SPIRE1: variants seen among roughly 807,000 people sequenced by gnomAD.
The protein encoded by SPIRE1 is protein spire homolog 1.
SPIRE1 carries 40 observed loss-of-function variants against 94.1 expected under a neutral mutation model. That is an observed-to-expected ratio of 0.43 (90% CI 0.33 to 0.55). The LOEUF is 0.55. Ranked by LOEUF, SPIRE1 falls within the 20% of genes least tolerant of loss-of-function variation. The pLI is 0.06. For synonymous variants in SPIRE1, 376 were observed against 371.7 expected, an observed-to-expected ratio of 1.01 and a Z score of -0.13; for missense variants, 838 against 975.2, an observed-to-expected ratio of 0.86 and a Z score of 1.87.
intron 7 of SPIRE1, among the ~76,000 whole-genome samples, 163 bp downstream of exon 7, chr18:12,495,853 T>C (rs1451725696): frequency 2.0e-5 from 3 of 152,180 alleles, no homozygotes; most frequent in Non-Finnish European, 4.4e-5. Flanking sequence ...AGTGAAACTC[T>C]GTCTTAAAAA....
At chr18:12,621,038 A>G (rs1378987981) in intron 2 of SPIRE1, among the ~76,000 whole-genome samples, 2 of 152,198 alleles carry the variant, frequency 1.3e-5, no homozygotes, top group African/African-American at 4.8e-5. Flanking sequence ...CTGGTGAGAG[A>G]GCGAGACCAT....
chr18:12,619,040 A>C (rs1480469962), intron 2 of SPIRE1, among the ~76,000 whole-genome samples: 1 of 151,518 alleles, frequency 6.6e-6, no homozygotes, highest in Non-Finnish European at 1.5e-5. Flanking sequence ...ACCCGCCACC[A>C]CGCCTGGCTA....
At chr18:12,594,749 T>C (rs2036624180) in intron 2 of SPIRE1, among the ~76,000 whole-genome samples, 1 of 152,178 alleles carries the variant, frequency 6.6e-6, no homozygotes, top group African/African-American at 2.4e-5. Flanking sequence ...TACACGTATT[T>C]TGTTTTCAAT....
At chr18:12,488,966 A>T (rs779373673) in intron 8 of SPIRE1, among the ~76,000 whole-genome samples, 40 of 152,136 alleles carry the variant, frequency 2.6e-4, no homozygotes, top group Non-Finnish European at 5.0e-4. Context: ...CGGGTGGATC[A>T]TGAGGTCAGG....
intron 4 of SPIRE1, among the ~76,000 whole-genome samples, chr18:12,517,827 A>T (rs188271848): frequency 2.4e-4 from 36 of 152,308 alleles, no homozygotes; most frequent in Admixed American, 2.0e-4. Context: ...TTACTAATTA[A>T]ATCCTTCTTA....
chr18:12,546,269 G>A (rs918853484), intron 3 of SPIRE1, among the ~76,000 whole-genome samples: 7 of 152,046 alleles, frequency 4.6e-5, no homozygotes, highest in South Asian at 4.1e-4. Flanking sequence ...GATTACAGCC[G>A]TGAGCCATCG....
chr18:12,508,341 A>T (rs2033909052), intron 5 of SPIRE1, among the ~76,000 whole-genome samples: 1 of 152,214 alleles, frequency 6.6e-6, no homozygotes, highest in Non-Finnish European at 1.5e-5. Flanking sequence ...AAAAAATATA[A>T]AAACCATACC....
chr18:12,521,764 T>A (rs2144101045), intron 4 of SPIRE1, among the ~76,000 whole-genome samples: 1 of 151,388 alleles, frequency 6.6e-6, no homozygotes, highest in Non-Finnish European at 1.5e-5. Flanking sequence ...TCTCACAATA[T>A]TCCATTTTTT....
intron 10 of SPIRE1, among the ~76,000 whole-genome samples, chr18:12,469,621 A>G (rs1463171712): frequency 6.9e-6 from 1 of 144,746 alleles, no homozygotes; most frequent in Non-Finnish European, 1.5e-5. Flanking sequence ...TATTTATATA[A>G]ATGTAATTAT....
At chr18:12,523,656 T>C (rs1412773043) in intron 4 of SPIRE1, among the ~76,000 whole-genome samples, 1 of 152,204 alleles carries the variant, frequency 6.6e-6, no homozygotes, top group Non-Finnish European at 1.5e-5. Context: ...AGAGGATCAC[T>C]AGCATTTTGT....
At chr18:12,493,812 C>T (rs1306799199) in intron 7 of SPIRE1, among the ~76,000 whole-genome samples, 1 of 152,206 alleles carries the variant, frequency 6.6e-6, no homozygotes, top group East Asian at 1.9e-4. Flanking sequence ...TAATTTTAAG[C>T]AGTTATAATT....
chr18:12,533,721 C>A (rs1331962049), intron 4 of SPIRE1, among the ~76,000 whole-genome samples: 2 of 152,048 alleles, frequency 1.3e-5, no homozygotes, highest in African/African-American at 4.8e-5. Flanking sequence ...TATAAAGTAG[C>A]CAGGTTCATA....
chr18:12,484,539 A>G (rs1485003122), intron 9 of SPIRE1, among the ~76,000 whole-genome samples: 2 of 152,252 alleles, frequency 1.3e-5, no homozygotes, highest in East Asian at 3.8e-4. Context: ...GATACTCAAT[A>G]AATATTCATA....
chr18:12,608,881 T>C (rs2037060472), intron 2 of SPIRE1, among the ~76,000 whole-genome samples: 1 of 152,168 alleles, frequency 6.6e-6, no homozygotes, highest in Non-Finnish European at 1.5e-5. Flanking sequence ...GAAGCAAAAC[T>C]GAGGATTACT....
chr18:12,498,847 G>T (rs764231545), intron 6 of SPIRE1, among the ~76,000 whole-genome samples: 1 of 152,178 alleles, frequency 6.6e-6, no homozygotes, highest in Admixed American at 6.5e-5. Flanking sequence ...GGTCTTGAAT[G>T]TTCAGACTCA....
At chr18:12,598,453 C>G (rs1243760842) in intron 2 of SPIRE1, among the ~76,000 whole-genome samples, 1 of 152,038 alleles carries the variant, frequency 6.6e-6, no homozygotes, top group Non-Finnish European at 1.5e-5. Flanking sequence ...ACTGTTTACA[C>G]TGTTTTTTTT....
intron 2 of SPIRE1, among the ~76,000 whole-genome samples, chr18:12,551,251 A>C (rs1198951633): frequency 1.3e-5 from 2 of 152,198 alleles, no homozygotes; most frequent in Non-Finnish European, 2.9e-5. Context: ...GTCATACAGC[A>C]CTTGGTTCAT....
intron 16 of SPIRE1, chr18:12,450,960 C>A: frequency 1.7e-6 from 1 of 601,692 alleles, no homozygotes; most frequent in Non-Finnish European, 3.1e-6. Flanking sequence ...AAGGGTCCTG[C>A]TAAAGTTGCC....
intron 2 of SPIRE1, among the ~76,000 whole-genome samples, chr18:12,579,001 C>T (rs2036184380): frequency 6.6e-6 from 1 of 151,916 alleles, no homozygotes; most frequent in Non-Finnish European, 1.5e-5. Context: ...AGGAACTTGA[C>T]CGGCTTGCTT....
Sources: allele counts gnomAD v4.1 joint callset (sites outside exome capture counted in the v4.1 genomes callset), GRCh38; gene constraint gnomAD v4.1.1; transcripts MANE v1.5; gene names NCBI Gene and HGNC (gene_info 2026-07-23, HGNC 2026-07-21).